Variants in ROR1 observed in about 807,000 individuals in gnomAD.
The protein encoded by ROR1 is inactive tyrosine-protein kinase transmembrane receptor ROR1.
In ROR1, 19 loss-of-function variants were observed where a neutral mutation model predicts 78.8. That is an observed-to-expected ratio of 0.24 (90% CI 0.17 to 0.35). The LOEUF is 0.35. ROR1 is among the 10% of genes least tolerant of loss of function. ROR1 has a pLI of 1.00. For synonymous variants in ROR1, 386 were observed against 433.6 expected (o/e 0.89, Z 1.36); for missense variants, 917 against 1,177.8 (o/e 0.78, Z 3.24).
chr1:63,863,470 T>A (rs1416210137), intron 1 of ROR1, among the ~76,000 whole-genome samples: 3 of 152,136 alleles, frequency 2.0e-5, no homozygotes, highest in African/African-American at 7.2e-5. Context: ...AGCTGCACAT[T>A]GAGGTCCTGG....
chr1:63,919,121 G>A (rs1328781011), intron 1 of ROR1, among the ~76,000 whole-genome samples: 1 of 152,078 alleles, frequency 6.6e-6, no homozygotes, highest in East Asian at 1.9e-4. Context: ...AATGCACAGG[G>A]TCAAAGGGTA....
chr1:63,866,966 G>C (rs1487902411), intron 1 of ROR1, among the ~76,000 whole-genome samples: 2 of 152,144 alleles, frequency 1.3e-5, no homozygotes, highest in African/African-American at 4.8e-5. Flanking sequence ...AGATAACATA[G>C]ATGAAATCAC....
chr1:64,040,748 G>T (rs533165725), intron 2 of ROR1, among the ~76,000 whole-genome samples: 4 of 152,112 alleles, frequency 2.6e-5, no homozygotes, highest in Admixed American at 1.3e-4. Flanking sequence ...AATCCCATTC[G>T]TGAAGGTACC....
intron 1 of ROR1, among the ~76,000 whole-genome samples, chr1:63,909,825 G>A (rs1645556069): frequency 6.6e-6 from 1 of 152,064 alleles, no homozygotes; most frequent in Non-Finnish European, 1.5e-5. Flanking sequence ...ATTCGCCTCA[G>A]TCTCACTTCC....
chr1:63,933,144 G>A (rs1645767542), intron 1 of ROR1, among the ~76,000 whole-genome samples: 2 of 152,252 alleles, frequency 1.3e-5, no homozygotes, highest in Middle Eastern at 3.4e-3. Flanking sequence ...AATGGAAAAT[G>A]ACCAAGAGTC....
intron 1 of ROR1, among the ~76,000 whole-genome samples, chr1:63,957,745 GTT>G (rs111859772): frequency 1.1e-4 from 15 of 136,514 alleles, no homozygotes; most frequent in African/African-American, 2.4e-4. Context: ...TTTGTTTTTT[GTT>G]TTTTTTTTTT....
chr1:64,148,586 G>C (rs1649538354), intron 7 of ROR1, among the ~76,000 whole-genome samples: 1 of 152,104 alleles, frequency 6.6e-6, no homozygotes, highest in Non-Finnish European at 1.5e-5. Flanking sequence ...AGAAGCATAG[G>C]CCTAATTAAA....
intron 1 of ROR1, among the ~76,000 whole-genome samples, chr1:63,885,656 A>T (rs1645351791): frequency 6.6e-6 from 1 of 152,064 alleles, no homozygotes; most frequent in Non-Finnish European, 1.5e-5. Context: ...TTCTCTCCTC[A>T]CCTCTTTAGC....
At chr1:63,842,702 G>A (rs563549731) in intron 1 of ROR1, among the ~76,000 whole-genome samples, 1 of 151,820 alleles carries the variant, frequency 6.6e-6, no homozygotes, top group South Asian at 2.1e-4. Context: ...TTAATCGAAA[G>A]TGCCTTACTG....
rs764136101 is a variant in ROR1, at chr1:63,774,810, G to T, written c.91+302G>T. Among the ~76,000 whole-genome samples the T allele has an allele frequency of 1.3e-5, 2 of 152,014 alleles. No individual in the cohort carries two copies. Among genetic ancestry groups the T allele is most frequent in the Non-Finnish European group, 2.9e-5 (2 of 67,968 alleles). ...GGAGGGGTTTGAGGGTCCTGGGGGT[G>T]ATCGGGGCACTTCTGTGCAGGGCGT... On this transcript the variant is annotated intron_variant, in intron 1 of 8. Coordinates refer to ENST00000371079, the MANE Select transcript of ROR1 (RefSeq NM_005012.4). The surrounding 1 kb of genome is among the most constrained non-coding windows in gnomAD (Gnocchi z 5.7).
intron 4 of ROR1, among the ~76,000 whole-genome samples, chr1:64,068,231 A>G (rs1557636301): frequency 1.3e-5 from 2 of 152,156 alleles, no homozygotes; most frequent in Admixed American, 1.3e-4. Context: ...ATACATTCTT[A>G]TATCTGTCTA....
At chr1:63,804,774 G>A (rs891559143) in intron 1 of ROR1, among the ~76,000 whole-genome samples, 2 of 152,148 alleles carry the variant, frequency 1.3e-5, no homozygotes, top group African/African-American at 4.8e-5. Context: ...TGGCCTAGCT[G>A]CAATCTCTCC....
chr1:64,092,185 A>T (rs6662865), intron 4 of ROR1, among the ~76,000 whole-genome samples: 91,202 of 150,052 alleles, frequency 0.61, 29,182 homozygotes, highest in African/African-American at 0.82. Context: ...TCCTTCCAGA[A>T]ATTCTTTAGA....
chr1:63,934,089 G>T (rs1463989504), intron 1 of ROR1, among the ~76,000 whole-genome samples: 1 of 152,160 alleles, frequency 6.6e-6, no homozygotes, highest in Non-Finnish European at 1.5e-5. Context: ...GTATGTCAGG[G>T]AGAGCAATAA....
intron 1 of ROR1, among the ~76,000 whole-genome samples, chr1:63,971,009 G>T (rs1440140790): frequency 6.6e-6 from 1 of 152,178 alleles, no homozygotes. Context: ...CAATTGCAGG[G>T]CTTCCTCTCA....
intron 1 of ROR1, among the ~76,000 whole-genome samples, chr1:63,795,788 A>G (rs1053535658): frequency 3.9e-5 from 6 of 152,182 alleles, no homozygotes; most frequent in African/African-American, 7.2e-5. Context: ...TTCTGCCTCA[A>G]TATTGATTTA....
chr1:64,001,687 A>G (rs1048570102), intron 1 of ROR1, among the ~76,000 whole-genome samples: 2 of 152,058 alleles, frequency 1.3e-5, no homozygotes, highest in Non-Finnish European at 2.9e-5. Context: ...TAGGAGAAGT[A>G]TTTCCAGCAC....
intron 2 of ROR1, among the ~76,000 whole-genome samples, chr1:64,044,993 G>A (rs975241608): frequency 6.6e-6 from 1 of 152,020 alleles, no homozygotes; most frequent in Admixed American, 6.6e-5. Flanking sequence ...CTCTAAACAG[G>A]CAATGCATGA....
rs757385629 is a variant in ROR1 at position 63,774,384 on chromosome 1, A to AGCCGCC, written c.-21_-16dup. On this transcript the variant is annotated 5_prime_UTR_variant, in exon 1 of 9. Transcript: ENST00000371079. The surrounding 1 kb of genome is among the most constrained non-coding windows in gnomAD (Gnocchi z 5.7). Reference sequence around the variant, plus strand: ...GTGGATGTTCTGCGCGCGGCCTGGGAGCCGCCGCCGCCGCCGCCTCAGCGA... The same window carrying AGCCGCC: ...GTGGATGTTCTGCGCGCGGCCTGGGAGCCGCCGCCGCCGCCGCCGCCGCCTCAGCGA... 4.3e-5 allele frequency: 53 copies of AGCCGCC among 1,243,398 alleles called. 1 individual carries two copies. Among genetic ancestry groups the AGCCGCC allele is most frequent in the African/African-American group, 3.5e-4 (22 of 62,390 alleles). The allele number at this position is 1,243,398 out of a possible 1,614,324, so 77.0% of individuals were successfully genotyped here. A position where few individuals can be genotyped will look rare whatever the true frequency, so the allele number is the denominator to read the frequency against.
Sources: gnomAD v4.1 joint callset for allele counts (sites outside exome capture counted in the v4.1 genomes callset) on GRCh38, gnomAD v4.1.1 for gene constraint, Gnocchi (gnomAD v3.1) non-coding constraint, MANE v1.5 for transcripts, NCBI Gene and HGNC (gene_info 2026-07-23, HGNC 2026-07-21) for gene names.